HERC1: variants seen among roughly 807,000 people sequenced by gnomAD.
HERC1 encodes HECT and RLD domain containing E3 ubiquitin protein ligase family member 1.
Under a neutral mutation model 554.3 loss-of-function variants are expected in HERC1, and 160 were observed. The ratio of observed to expected loss-of-function variants is 0.29; its 90% CI spans 0.25 to 0.33. The LOEUF (loss-of-function observed/expected upper bound fraction) is 0.33, where lower values mean the gene tolerates loss of function less well. Ranked by LOEUF, HERC1 falls within the 10% of genes least tolerant of loss-of-function variation. The probability of loss-of-function intolerance (pLI) is 1.00; values close to 1 mark genes in which losing one functional copy is unlikely to be tolerated. For missense variants in HERC1, 4,919 were observed against 5,918.5 expected (o/e 0.83, Z 5.54); for synonymous variants, 2,175 against 2,131.7 (o/e 1.02, Z -0.56).
chr15:63,707,400 A>G (rs992607446), intron 24 of HERC1, among the ~76,000 whole-genome samples: 9 of 152,236 alleles, frequency 5.9e-5, no homozygotes, highest in Non-Finnish European at 8.8e-5. Flanking sequence ...TGAACTACAG[A>G]CAGTTTAATA....
In HERC1 at chr15:63,632,809, T is replaced by A; in HGVS notation, c.12696A>T (p.Lys4232Asn). Residue 4232 changes from lysine to asparagine, a missense_variant and splice_region_variant, in exon 68 of 78, where the codon AAA (lysine) becomes AAT (asparagine). This residue lies in a region of HERC1 where 410 missense variants were observed against 467.0 expected (regional missense o/e 0.88). Coordinates refer to ENST00000443617, the MANE Select transcript of HERC1 (RefSeq NM_003922.4). ...GNSTAKSSPQKIDVLCGIGIK... is the reference protein window; with the variant it reads ...GNSTAKSSPQNIDVLCGIGIK... ...TTCCAATTCCACAAAGGACGTCAATTTTCTACAAAATAAAAGTGTAAGGCA... is the reference window on the plus strand; with the variant it reads ...TTCCAATTCCACAAAGGACGTCAATATTCTACAAAATAAAAGTGTAAGGCA... 6.4e-7 allele frequency: 1 copy of A among 1,554,454 alleles called. No individual in the cohort carries two copies. The highest frequency in any genetic ancestry group is 8.7e-7 in the Non-Finnish European group (1 of 1,146,588).
intron 1 of HERC1, among the ~76,000 whole-genome samples, chr15:63,832,812 G>T: frequency 6.6e-6 from 1 of 152,030 alleles, no homozygotes; most frequent in East Asian, 1.9e-4. Context: ...GAATGAGGAA[G>T]TCCCAAGCAA....
chr15:63,790,736 A>G (rs2076623851), intron 1 of HERC1, among the ~76,000 whole-genome samples: 1 of 151,436 alleles, frequency 6.6e-6, no homozygotes, highest in Non-Finnish European at 1.5e-5. Flanking sequence ...TGACTGCATA[A>G]ACACTTGTTA....
At chr15:63,704,693 T>A (rs12372939) in intron 25 of HERC1, among the ~76,000 whole-genome samples, 1 of 150,462 alleles carries the variant, frequency 6.6e-6, no homozygotes, top group Non-Finnish European at 1.5e-5. Flanking sequence ...CACATTATAC[T>A]AAACATCACT....
intron 74 of HERC1, 167 bp from the exon 75 acceptor site, chr15:63,616,849 G>C (rs1313145246): frequency 4.7e-6 from 3 of 634,558 alleles, no homozygotes; most frequent in Admixed American, 3.0e-5. Flanking sequence ...CAGTTCTTCG[G>C]CTTCCCTAAT....
At chr15:63,769,476 T>C (rs776852763) in intron 2 of HERC1, among the ~76,000 whole-genome samples, 16 of 152,172 alleles carry the variant, frequency 1.1e-4, no homozygotes, top group Non-Finnish European at 2.4e-4. Flanking sequence ...TTGAAAAATA[T>C]AGCCCATTAA....
At chr15:63,800,156 A>C (rs2076933501) in intron 1 of HERC1, among the ~76,000 whole-genome samples, 1 of 152,040 alleles carries the variant, frequency 6.6e-6, no homozygotes, top group Admixed American at 6.6e-5. Flanking sequence ...AAGAAGAAAG[A>C]AACTGGGGTA....
rs1487105917 is a variant in HERC1, at chr15:63,622,892, C to G, written c.13612-1G>C. The G allele has an allele frequency of 1.3e-6, 2 of 1,586,422 alleles. No individual in the cohort carries two copies. Among genetic ancestry groups the G allele is most frequent in the Middle Eastern group, 1.7e-4 (1 of 5,976 alleles). ...GGTCAACAATACCAGTTTCAAGTTC[C>G]TGCAGAAGAAAGAAAAAAATTTTTT... On this transcript the variant is annotated splice_acceptor_variant, in intron 73 of 77. Transcript: ENST00000443617. LOFTEE classifies it high-confidence loss of function.
intron 18 of HERC1, among the ~76,000 whole-genome samples, chr15:63,724,765 T>C (rs932142289): frequency 1.3e-5 from 2 of 152,158 alleles, no homozygotes; most frequent in African/African-American, 4.8e-5. Context: ...GTCTAGGAAC[T>C]AGCCTGCCAG....
At position 63,648,172 on chromosome 15, in the gene HERC1, C is replaced by G. The variant is rs1334107457; in HGVS notation, c.10775G>C (p.Ser3592Thr). The G allele has an allele frequency of 6.2e-7, 1 of 1,603,664 alleles. No individual in the cohort carries two copies. Among genetic ancestry groups the G allele is most frequent in the Non-Finnish European group, 8.5e-7 (1 of 1,174,346 alleles). The change falls in exon 55 of 78, where the codon AGT becomes ACT. Residue 3592 changes from serine (S) to threonine (T), a missense_variant. Around this residue, in one of 11 missense-constraint regions of HERC1, gnomAD observed 1,963 missense variants for 2,228.6 expected, o/e 0.88. Coordinates refer to ENST00000443617, the MANE Select transcript of HERC1 (RefSeq NM_003922.4). The stretch of plus-strand genomic sequence containing the variant: ...TCCCACTGCAAATGGTCTGTCTTCA[C>G]TGAACCATGCAATGCAAGTAACAGA... ...DVSVTCIAWF[S>T]EDRPFAVGYF...
chr15:63,728,969 ATCTC>A (rs1390060399), intron 16 of HERC1, among the ~76,000 whole-genome samples: 26 of 151,878 alleles, frequency 1.7e-4, no homozygotes, highest in Admixed American at 5.9e-4. Flanking sequence ...AGATTAAAAA[ATCTC>A]ACTTTCTGCC....
At chr15:63,687,070 T>C (rs1398600319) in intron 33 of HERC1, among the ~76,000 whole-genome samples, 1 of 152,106 alleles carries the variant, frequency 6.6e-6, no homozygotes, top group Admixed American at 6.5e-5. Flanking sequence ...ATGGAAAACC[T>C]TGTGTGTCAT....
chr15:63,770,506 A>C (rs2075919456), intron 2 of HERC1, among the ~76,000 whole-genome samples: 1 of 152,224 alleles, frequency 6.6e-6, no homozygotes, highest in South Asian at 2.1e-4. Flanking sequence ...GTAAACACCT[A>C]GTGGCATCAA....
At chr15:63,637,408 T>G in intron 64 of HERC1, 97 bp downstream of exon 64, 1 of 1,024,242 alleles carries the variant, frequency 9.8e-7, no homozygotes, top group Non-Finnish European at 1.4e-6. Context: ...CTGATATGAT[T>G]TTATCTAGCA....
At position 63,648,048 on chromosome 15, in the gene HERC1, G is replaced by A. The variant is rs141097490; in HGVS notation, c.10878+21C>T. 1,696 of 1,543,458 alleles carry A rather than the reference G, an allele frequency of 1.1e-3. 10 individuals carry two copies. In the African/African-American group the frequency reaches 0.018, roughly 17 times the overall value. On this transcript the variant is annotated intron_variant, in intron 55 of 77. Coordinates refer to ENST00000443617, the MANE Select transcript of HERC1 (RefSeq NM_003922.4). Reference sequence around the variant, plus strand: ...TTATATTTGTATCCCATAAAATTACGTTTTTTAAAGATGCATTTACCTTAT... The same window carrying A: ...TTATATTTGTATCCCATAAAATTACATTTTTTAAAGATGCATTTACCTTAT...
At chr15:63,625,178 G>C (rs2068247951) in intron 71 of HERC1, among the ~76,000 whole-genome samples, 1 of 152,116 alleles carries the variant, frequency 6.6e-6, no homozygotes, top group Non-Finnish European at 1.5e-5. Context: ...TACTGGACTA[G>C]TCCATAAAGA....
At chr15:63,711,286 G>C (rs369144643) in intron 24 of HERC1, among the ~76,000 whole-genome samples, 10 of 151,886 alleles carry the variant, frequency 6.6e-5, no homozygotes, top group Non-Finnish European at 1.5e-4. Context: ...CTGAACTCCA[G>C]CCTGAGTGAC....
Position 63,680,198 on chromosome 15 carries a change from TA to T in HERC1, c.6466-39del. 2.6e-6 allele frequency: 4 copies of T among 1,527,256 alleles called. No homozygotes were observed. The highest frequency in any genetic ancestry group is 3.6e-6 in the Non-Finnish European group (4 of 1,110,266). 94.6% of individuals were successfully genotyped at this position (1,527,256 alleles called of 1,614,324 possible). A position where few individuals can be genotyped will look rare whatever the true frequency, so the allele number is the denominator to read the frequency against. ...AGCAGTGAGGAAAAGAAAAAGGAAA[TA>T]GAAATTTTTTTAATTCACAATATCT... On this transcript the variant is annotated intron_variant, in intron 35 of 77. Transcript: ENST00000443617. The surrounding 1 kb of genome is among the most constrained non-coding windows in gnomAD (Gnocchi z 5.8).
chr15:63,788,956 C>T (rs2143972167), intron 1 of HERC1, among the ~76,000 whole-genome samples: 1 of 150,624 alleles, frequency 6.6e-6, no homozygotes, highest in South Asian at 2.1e-4. Flanking sequence ...AATGATGGCT[C>T]AACATAGGCA....
Sources: gnomAD v4.1 joint callset for allele counts (sites outside exome capture counted in the v4.1 genomes callset) on GRCh38, gnomAD v4.1.1 for gene constraint, gnomAD v4.1.1 regional missense constraint, Gnocchi (gnomAD v3.1) non-coding constraint, MANE v1.5 for transcripts, NCBI Gene and HGNC (gene_info 2026-07-23, HGNC 2026-07-21) for gene names.